SPATA16: variants seen among roughly 807,000 people sequenced by gnomAD.
SPATA16 encodes the protein spermatogenesis associated 16, also known as spermatogenesis-associated protein 16.
In SPATA16, 36 loss-of-function variants were observed where a neutral mutation model predicts 63.3. The observed-to-expected ratio is 0.57, with a 90% CI of 0.44 to 0.75. The LOEUF is 0.75. SPATA16 is among the 30% of genes least tolerant of loss of function. The pLI, the probability that SPATA16 is intolerant of heterozygous loss-of-function variation, is 0.00. For missense variants in SPATA16, 646 were observed against 679.3 expected (o/e 0.95, Z 0.54); for synonymous variants, 203 against 216.7 (o/e 0.94, Z 0.56).
intron 1 of SPATA16, among the ~76,000 whole-genome samples, chr3:173,128,308 A>G (rs574047795): frequency 9.2e-5 from 14 of 152,324 alleles, no homozygotes; most frequent in African/African-American, 3.1e-4. Context: ...CTGACTTTAT[A>G]TATCCCTTTT....
chr3:172,895,626 G>A (rs1294262460), intron 10 of SPATA16, among the ~76,000 whole-genome samples: 3 of 152,128 alleles, frequency 2.0e-5, no homozygotes, highest in Non-Finnish European at 4.4e-5. Flanking sequence ...GAGCCACCGT[G>A]CCTGGCCATA....
At position 173,137,449 on chromosome 3, in the gene SPATA16, A is replaced by T. The variant is rs951087831; in HGVS notation, c.-19+3654T>A. Among the ~76,000 whole-genome samples the T allele has an allele frequency of 3.3e-4, 51 of 152,320 alleles. 1 individual carries two copies. The highest frequency in any genetic ancestry group is 1.2e-3 in the African/African-American group (49 of 41,568). On this transcript the variant is annotated intron_variant, in intron 1 of 10. Transcript: ENST00000351008. The stretch of plus-strand genomic sequence containing the variant: ...ACCACGATGTTAGACAAATTCTATA[A>T]CAACAGAGTCACAGAAAGGTCCATG...
intron 2 of SPATA16, among the ~76,000 whole-genome samples, chr3:173,060,739 G>T (rs570791769): frequency 6.6e-6 from 1 of 152,226 alleles, no homozygotes; most frequent in Admixed American, 6.5e-5. Flanking sequence ...TAAATAGAAG[G>T]TTCTCTGTAT....
intron 6 of SPATA16, among the ~76,000 whole-genome samples, chr3:172,953,585 G>T (rs1057321046): frequency 9.2e-5 from 14 of 152,212 alleles, no homozygotes; most frequent in Non-Finnish European, 1.8e-4. Context: ...CCATGTAGAT[G>T]CCTTGGGTCA....
At chr3:173,113,430 G>T (rs907968221) in intron 2 of SPATA16, among the ~76,000 whole-genome samples, 1 of 152,028 alleles carries the variant, frequency 6.6e-6, no homozygotes, top group Admixed American at 6.6e-5. Flanking sequence ...CACATAACTG[G>T]TTCACCTTTA....
chr3:173,052,431 T>C (rs1332815105), intron 2 of SPATA16, among the ~76,000 whole-genome samples: 1 of 152,182 alleles, frequency 6.6e-6, no homozygotes, highest in African/African-American at 2.4e-5. Context: ...GCTTTATGTA[T>C]GTTTGTTGAA....
chr3:172,949,567 A>G (rs1294025770), intron 6 of SPATA16, among the ~76,000 whole-genome samples: 1 of 152,188 alleles, frequency 6.6e-6, no homozygotes, highest in Non-Finnish European at 1.5e-5. Flanking sequence ...GCAGCACCTA[A>G]TGATTAACTA....
At chr3:172,974,443 G>A (rs1734110591) in intron 5 of SPATA16, among the ~76,000 whole-genome samples, 1 of 151,898 alleles carries the variant, frequency 6.6e-6, no homozygotes, top group African/African-American at 2.4e-5. Context: ...TTGGGTAGTG[G>A]GGCATATGTA....
chr3:173,023,174 C>G (rs1055511137), intron 3 of SPATA16, among the ~76,000 whole-genome samples: 21 of 109,192 alleles, frequency 1.9e-4, no homozygotes, highest in African/African-American at 7.3e-4. Flanking sequence ...TGTGTGTGTG[C>G]TTATTTTATT....
At chr3:172,975,781 G>A (rs1354043186) in intron 5 of SPATA16, among the ~76,000 whole-genome samples, 1 of 151,760 alleles carries the variant, frequency 6.6e-6, no homozygotes, top group Non-Finnish European at 1.5e-5. Context: ...TTTAATAGAA[G>A]GTAAATTGAT....
intron 2 of SPATA16, among the ~76,000 whole-genome samples, chr3:173,101,916 C>G (rs933886545): frequency 6.6e-6 from 1 of 152,192 alleles, no homozygotes; most frequent in Non-Finnish European, 1.5e-5. Flanking sequence ...AGCCCAGACC[C>G]ACAATCCACC....
chr3:173,124,608 AAAC>A lies in SPATA16; in HGVS notation c.-18-6862_-18-6860del, dbSNP rs530522252. 3.7e-4 allele frequency among the ~76,000 whole-genome samples: 56 copies of A among 152,314 alleles called. No homozygotes were observed. In the South Asian group the frequency reaches 0.011, roughly 30 times the overall value. ...TGTAGCAGCCCTTTTCTTTTAAGAA[AAAC>A]AACAACAACAAAAAACTCCCTTGAC... On this transcript the variant is annotated intron_variant, in intron 1 of 10. Transcript: ENST00000351008.
chr3:173,086,803 T>C (rs1399569167), intron 2 of SPATA16, among the ~76,000 whole-genome samples: 2 of 152,198 alleles, frequency 1.3e-5, no homozygotes, highest in Non-Finnish European at 2.9e-5. Flanking sequence ...TAAGAAGTCA[T>C]TCAGGAGCAG....
intron 9 of SPATA16, among the ~76,000 whole-genome samples, chr3:172,914,217 T>C (rs1732431139): frequency 6.6e-6 from 1 of 152,186 alleles, no homozygotes; most frequent in Non-Finnish European, 1.5e-5. Flanking sequence ...CTTCTTTTAC[T>C]GTTTTTTTCT....
intron 2 of SPATA16, among the ~76,000 whole-genome samples, chr3:173,092,771 T>G (rs1468116353): frequency 1.3e-5 from 2 of 152,130 alleles, no homozygotes; most frequent in Non-Finnish European, 2.9e-5. Context: ...TGTTAGAAAT[T>G]TCTAGTTAAC....
In SPATA16 at chr3:172,902,093, G is replaced by A. The variant is rs141374122; in HGVS notation, c.1587+11568C>T. Among the ~76,000 whole-genome samples, 423 of 152,192 alleles carry A rather than the reference G, an allele frequency of 2.8e-3. 6 individuals carry two copies. Among genetic ancestry groups the A allele is most frequent in the Admixed American group, 0.026 (392 of 15,292 alleles). ...TGCTCTGTCACCCAGGCTGGAGTGC[G>A]GTGACATGATCTCGGCTCACTGAAA... On this transcript the variant is annotated intron_variant, in intron 10 of 10. Transcript: ENST00000351008.
chr3:173,063,816 T>C (rs1736448455), intron 2 of SPATA16, among the ~76,000 whole-genome samples: 1 of 152,172 alleles, frequency 6.6e-6, no homozygotes. Flanking sequence ...ATAACCAAAC[T>C]AAGGCAAATT....
At chr3:172,905,076 C>T (rs1239029105) in intron 10 of SPATA16, among the ~76,000 whole-genome samples, 1 of 152,090 alleles carries the variant, frequency 6.6e-6, no homozygotes, top group Non-Finnish European at 1.5e-5. Flanking sequence ...AGTAAAAGCA[C>T]TTAGGTTTCT....
chr3:172,928,056 C>G (rs922352664), intron 6 of SPATA16, among the ~76,000 whole-genome samples: 2 of 151,952 alleles, frequency 1.3e-5, no homozygotes, highest in African/African-American at 4.8e-5. Flanking sequence ...ATTACAGGCA[C>G]GCGCCACCAC....
Sources: allele counts gnomAD v4.1 joint callset (sites outside exome capture counted in the v4.1 genomes callset), GRCh38; gene constraint gnomAD v4.1.1; transcripts MANE v1.5; gene names NCBI Gene and HGNC (gene_info 2026-07-23, HGNC 2026-07-21).